PDE4D: variants seen among roughly 807,000 people sequenced by gnomAD.
PDE4D encodes the protein 3',5'-cyclic-AMP phosphodiesterase 4D.
Under a neutral mutation model 87.4 loss-of-function variants are expected in PDE4D, and 24 were observed. The observed-to-expected ratio is 0.27, with a 90% confidence interval of 0.20 to 0.39. The LOEUF (loss-of-function observed/expected upper bound fraction) is 0.39. Among genes scored for constraint, PDE4D ranks in the 10% least tolerant of loss-of-function variants. PDE4D has a pLI of 1.00. For missense variants in PDE4D, 714 were observed against 1,041.0 expected (o/e 0.69, Z 4.32); for synonymous variants, 384 against 383.2 (o/e 1.00, Z -0.02).
chr5:60,072,421 C>T (rs1772826198), intron 2 of PDE4D, among the ~76,000 whole-genome samples: 1 of 152,020 alleles, frequency 6.6e-6, no homozygotes, highest in East Asian at 1.9e-4. Context: ...TTGTCAGATG[C>T]ATAGTTTGCA....
At chr5:59,669,784 C>T (rs56896934) in intron 1 of PDE4D, among the ~76,000 whole-genome samples, 2 of 152,058 alleles carry the variant, frequency 1.3e-5, no homozygotes, top group Non-Finnish European at 1.5e-5. Context: ...GACACCCCCC[C>T]CAATAGTCCA....
Position 59,730,482 on chromosome 5 carries a change from C to A in PDE4D, c.455+162686G>T, listed in dbSNP as rs569905485. Among the ~76,000 whole-genome samples, 46 of 152,240 alleles carry A rather than the reference C, an allele frequency of 3.0e-4. No individual in the cohort carries two copies. In the South Asian group the frequency reaches 4.4e-3, roughly 14 times the overall value. ...TTACAAACTTTTACTTTCAGACTCA[C>A]ATATGCACGGAATAGTGGAGAGTAG... On this transcript the variant is annotated intron_variant, in intron 1 of 14. Coordinates refer to ENST00000340635, the MANE Select transcript of PDE4D (RefSeq NM_001104631.2).
chr5:59,225,040 A>T (rs961182226), intron 1 of PDE4D, among the ~76,000 whole-genome samples: 10 of 152,240 alleles, frequency 6.6e-5, no homozygotes, highest in African/African-American at 2.4e-4. Flanking sequence ...GTTAAGAAAA[A>T]TTTTCTTAAC....
chr5:59,315,593 A>C (rs1773552278), intron 1 of PDE4D, among the ~76,000 whole-genome samples: 1 of 152,100 alleles, frequency 6.6e-6, no homozygotes, highest in African/African-American at 2.4e-5. Flanking sequence ...GGAATGATAG[A>C]TGGTCATGGC....
chr5:60,172,051 G>C (rs1431142597), intron 2 of PDE4D, among the ~76,000 whole-genome samples: 1 of 148,198 alleles, frequency 6.7e-6, no homozygotes, highest in Non-Finnish European at 1.5e-5. Flanking sequence ...TCATAGAAAA[G>C]TTACATAAAA....
chr5:59,001,100 G>A (rs1750446757), intron 6 of PDE4D, among the ~76,000 whole-genome samples: 1 of 152,196 alleles, frequency 6.6e-6, no homozygotes, highest in African/African-American at 2.4e-5. Context: ...AGGGTTAAAT[G>A]AGAAATCAAA....
chr5:59,667,901 G>A (rs1746346602), intron 1 of PDE4D, among the ~76,000 whole-genome samples: 1 of 152,128 alleles, frequency 6.6e-6, no homozygotes, highest in African/African-American at 2.4e-5. Flanking sequence ...TCCTGTACCT[G>A]AGCTTAGCAG....
At chr5:59,489,101 A>C (rs1318237779) in intron 1 of PDE4D, among the ~76,000 whole-genome samples, 2 of 151,998 alleles carry the variant, frequency 1.3e-5, no homozygotes, top group Admixed American at 1.3e-4. Context: ...CCTGGACAAT[A>C]TGGTGAAACC....
At chr5:59,752,288 C>T (rs1489381798) in intron 1 of PDE4D, among the ~76,000 whole-genome samples, 2 of 152,154 alleles carry the variant, frequency 1.3e-5, no homozygotes, top group African/African-American at 4.8e-5. Flanking sequence ...TTTGAAAGTA[C>T]TACTGTCTTT....
intron 2 of PDE4D, among the ~76,000 whole-genome samples, chr5:60,090,518 G>T (rs1662926099): frequency 6.6e-6 from 1 of 152,050 alleles, no homozygotes; most frequent in Non-Finnish European, 1.5e-5. Flanking sequence ...GGATACATAA[G>T]AAATATACCT....
intron 1 of PDE4D, among the ~76,000 whole-genome samples, chr5:60,336,379 T>C (rs1403822540): frequency 6.6e-6 from 1 of 152,180 alleles, no homozygotes; most frequent in Non-Finnish European, 1.5e-5. Context: ...TCCTGAGAAA[T>C]AGCAAGTACT....
intron 1 of PDE4D, among the ~76,000 whole-genome samples, chr5:60,342,054 G>A (rs548538644): frequency 6.6e-6 from 1 of 152,206 alleles, no homozygotes; most frequent in Non-Finnish European, 1.5e-5. Flanking sequence ...AAGGACGAAT[G>A]TCATTTTCAA....
chr5:60,445,791 T>C (rs557216227), intron 1 of PDE4D, among the ~76,000 whole-genome samples: 5 of 152,258 alleles, frequency 3.3e-5, no homozygotes, highest in East Asian at 1.9e-4. Context: ...GCAAGTCTCA[T>C]GTTAAATGTT....
chr5:60,170,244 A>G (rs1340765708), intron 2 of PDE4D, among the ~76,000 whole-genome samples: 2 of 152,026 alleles, frequency 1.3e-5, no homozygotes, highest in African/African-American at 2.4e-5. Context: ...TTTCATAACA[A>G]TCCTATGATG....
At chr5:60,494,160 A>T (rs913023204) in intron 1 of PDE4D, among the ~76,000 whole-genome samples, 8 of 152,206 alleles carry the variant, frequency 5.3e-5, no homozygotes, top group Admixed American at 3.9e-4. Context: ...CGTATATTTG[A>T]AAGTTTGAAA....
At chr5:59,003,610 G>A (rs1750972802) in intron 6 of PDE4D, among the ~76,000 whole-genome samples, 2 of 152,278 alleles carry the variant, frequency 1.3e-5, no homozygotes, top group South Asian at 4.1e-4. Context: ...CTCACCTGCA[G>A]CTTATATTCC....
At chr5:59,566,534 ATGTGTGTGTGTGTGTGTGTGTGTG>A (rs34584672) in intron 1 of PDE4D, among the ~76,000 whole-genome samples, 19 of 140,704 alleles carry the variant, frequency 1.4e-4, no homozygotes, top group Non-Finnish European at 2.1e-4. Flanking sequence ...TCACAGTTTC[ATGTGTGTGTGTGTGTGTGTGTGTG>A]TGTGTGTGTG....
At chr5:60,075,869 C>T (rs551450947) in intron 2 of PDE4D, among the ~76,000 whole-genome samples, 84 of 152,266 alleles carry the variant, frequency 5.5e-4, no homozygotes, top group Non-Finnish European at 9.9e-4. Context: ...AGGTTGGTTA[C>T]ACTCTTTTCT....
intron 1 of PDE4D, among the ~76,000 whole-genome samples, chr5:60,247,849 T>A (rs1460308103): frequency 6.6e-6 from 1 of 152,056 alleles, no homozygotes; most frequent in African/African-American, 2.4e-5. Context: ...ATTAATTCAA[T>A]ACAACTTGTC....
Sources: allele counts gnomAD v4.1 joint callset (sites outside exome capture counted in the v4.1 genomes callset), GRCh38; gene constraint gnomAD v4.1.1; transcripts MANE v1.5; gene names NCBI Gene and HGNC (gene_info 2026-07-23, HGNC 2026-07-21).